Variants in CASZ1 observed in about 807,000 individuals in gnomAD.
The protein encoded by CASZ1 is castor zinc finger 1, also known as zinc finger protein castor homolog 1.
CASZ1 carries 28 observed loss-of-function variants against 135.2 expected under a neutral mutation model. The observed-to-expected ratio is 0.21, with a 90% CI of 0.15 to 0.28. The LOEUF is 0.28. Ranked by LOEUF, CASZ1 falls within the 10% of genes least tolerant of loss-of-function variation. CASZ1 has a pLI of 1.00. For synonymous variants in CASZ1, 1,068 were observed against 1,073.4 expected, an observed-to-expected ratio of 0.99 and a Z score of 0.10; for missense variants, 2,161 against 2,453.3, an observed-to-expected ratio of 0.88 and a Z score of 2.52.
In CASZ1 at chr1:10,678,808, T is replaced by TC. The variant is rs573288178; in HGVS notation, c.17-13238dup. ...TATCGCTATCCAATCCAATAAAAAA[T>TC]CCCCCCCTTTTGCTTTAATTAATTT... On this transcript the variant is annotated intron_variant, in intron 4 of 20. Coordinates refer to ENST00000377022, the MANE Select transcript of CASZ1 (RefSeq NM_001079843.3). Among the ~76,000 whole-genome samples, 6 of 149,602 alleles carry TC rather than the reference T, an allele frequency of 4.0e-5. No homozygotes were observed. In the South Asian group the frequency reaches 6.4e-4, roughly 16 times the overall value.
At chr1:10,688,639 G>A (rs745438854) in intron 4 of CASZ1, among the ~76,000 whole-genome samples, 5 of 152,100 alleles carry the variant, frequency 3.3e-5, no homozygotes, top group African/African-American at 4.8e-5. Context: ...CCTCATTTCC[G>A]TCCCTCTTGC....
At chr1:10,675,496 G>A (rs964769817) in intron 4 of CASZ1, among the ~76,000 whole-genome samples, 6 of 152,118 alleles carry the variant, frequency 3.9e-5, no homozygotes, top group African/African-American at 1.2e-4. Context: ...AGAGGGGTGA[G>A]GCCAGTGCCC....
rs188740859 is a variant in CASZ1, at chr1:10,722,386, A to C, written c.-76-16842T>G. Among the ~76,000 whole-genome samples the C allele has an allele frequency of 1.8e-3, 278 of 152,350 alleles. 4 individuals carry two copies. In the South Asian group the frequency reaches 0.03, roughly 17 times the overall value. ...AAACTCAAGGCCAAGGGGCAGAAAAAGATTCCCTAAAGCAGCCTTCCGTCC... is the reference window on the plus strand; with the variant it reads ...AAACTCAAGGCCAAGGGGCAGAAAACGATTCCCTAAAGCAGCCTTCCGTCC... On this transcript the variant is annotated intron_variant, in intron 2 of 20. Coordinates refer to ENST00000377022, the MANE Select transcript of CASZ1 (RefSeq NM_001079843.3).
At chr1:10,746,025 C>T (rs1000372724) in intron 2 of CASZ1, among the ~76,000 whole-genome samples, 2 of 152,206 alleles carry the variant, frequency 1.3e-5, no homozygotes, top group African/African-American at 2.4e-5. Flanking sequence ...AAGCCTGTGG[C>T]GTGCCCGGCC....
At chr1:10,669,508 G>A (rs1048378682) in intron 4 of CASZ1, among the ~76,000 whole-genome samples, 18 of 152,352 alleles carry the variant, frequency 1.2e-4, no homozygotes, top group East Asian at 5.8e-4. Flanking sequence ...AGAAGGCCCC[G>A]TTATGGCATG....
Position 10,702,962 on chromosome 1 carries a change from CAGAG to C in CASZ1, c.-24+2526_-24+2529del, listed in dbSNP as rs142859359. Among the ~76,000 whole-genome samples the C allele has an allele frequency of 2.3e-3, 335 of 142,682 alleles. 1 individual carries two copies. Among genetic ancestry groups the C allele is most frequent in the African/African-American group, 6.9e-3 (264 of 38,440 alleles). 93.6% of individuals were successfully genotyped at this position (142,682 alleles called of 152,430 possible). On this transcript the variant is annotated intron_variant, in intron 3 of 20. Transcript: ENST00000377022. ...GATGAAAAGGAGAGAGAGGGAGAGG[CAGAG>C]AGAGAGAGAGAGAGAGAGAGCGCCA...
chr1:10,664,674 T>C (rs1196740876), intron 5 of CASZ1, among the ~76,000 whole-genome samples: 1 of 151,796 alleles, frequency 6.6e-6, no homozygotes, highest in Admixed American at 6.6e-5. Context: ...GCTCATGCCG[T>C]TGACCGCTGC....
chr1:10,675,387 G>A (rs923487885), intron 4 of CASZ1, among the ~76,000 whole-genome samples: 1 of 152,152 alleles, frequency 6.6e-6, no homozygotes, highest in African/African-American at 2.4e-5. Flanking sequence ...CAAGGCTGGC[G>A]GGAAGGAATG....
rs751202249 is a variant in CASZ1 at position 10,647,672 on chromosome 1, C to G, written c.3497+129G>C. On this transcript the variant is annotated intron_variant, in intron 16 of 20. Transcript: ENST00000377022. This position sits in a 1 kb window ranked among gnomAD's most constrained non-coding sequence, Gnocchi z 4.9. The stretch of plus-strand genomic sequence containing the variant: ...GGCTAGAAGGACATCACCCGATGGC[C>G]ATGCCCCAGAGAGGCTGGGGACAGC... 9.3e-6 allele frequency: 14 copies of G among 1,506,852 alleles called. No individual in the cohort carries two copies. The highest frequency in any genetic ancestry group is 1.2e-5 in the Non-Finnish European group (14 of 1,133,120). 93.3% of individuals were successfully genotyped at this position (1,506,852 alleles called of 1,614,324 possible).
rs1642499207 is a variant in CASZ1, at chr1:10,649,755, G to A, written c.2881-318C>T. 1.1e-5 allele frequency: 3 copies of A among 271,310 alleles called. No homozygotes were observed. In the South Asian group the frequency reaches 3.8e-4, roughly 34 times the overall value. The allele number at this position is 271,310 out of a possible 1,614,324, so 16.8% of individuals were successfully genotyped here. A position where few individuals can be genotyped will look rare whatever the true frequency, so the allele number is the denominator to read the frequency against. On this transcript the variant is annotated intron_variant, in intron 13 of 20. Transcript: ENST00000377022. ...CAGCCCATCTTTCCCCAGACTTCGCGGCTCCCTGGTTATTTTCCTGCCAGA... is the reference window on the plus strand; with the variant it reads ...CAGCCCATCTTTCCCCAGACTTCGCAGCTCCCTGGTTATTTTCCTGCCAGA...
rs1349503041 is a variant in CASZ1 at position 10,756,774 on chromosome 1, T to C, written c.-77+3927A>G. 6.6e-6 allele frequency among the ~76,000 whole-genome samples: 1 copy of C among 152,206 alleles called. No individual in the cohort carries two copies. Among genetic ancestry groups the C allele is most frequent in the Non-Finnish European group, 1.5e-5 (1 of 68,036 alleles). ...GAGCAGATGAGCAGCGGCTGGAGGC[T>C]GAGCTGACCCCATGGAAATATGGGG... On this transcript the variant is annotated intron_variant, in intron 2 of 20. Coordinates refer to ENST00000377022, the MANE Select transcript of CASZ1 (RefSeq NM_001079843.3). This position sits in a 1 kb window ranked among gnomAD's most constrained non-coding sequence, Gnocchi z 5.9.
chr1:10,770,516 C>T (rs763572174), intron 1 of CASZ1, among the ~76,000 whole-genome samples: 13 of 152,090 alleles, frequency 8.5e-5, no homozygotes, highest in African/African-American at 1.4e-4. Flanking sequence ...GCAGAGTGTA[C>T]GGAGGGGTTG....
At chr1:10,693,466 G>A (rs2100408517) in intron 4 of CASZ1, among the ~76,000 whole-genome samples, 1 of 99,016 alleles carries the variant, frequency 1.0e-5, no homozygotes, top group South Asian at 3.7e-4. Flanking sequence ...ACACACCCCA[G>A]AGCCAGACAC....
At chr1:10,673,520 G>A (rs1490271717) in intron 4 of CASZ1, among the ~76,000 whole-genome samples, 6 of 152,056 alleles carry the variant, frequency 3.9e-5, no homozygotes, top group African/African-American at 1.4e-4. Context: ...TGCTGGGGAG[G>A]GGGGCTGAGG....
intron 2 of CASZ1, among the ~76,000 whole-genome samples, chr1:10,742,821 T>C (rs1639949615): frequency 6.6e-6 from 1 of 151,918 alleles, no homozygotes; most frequent in East Asian, 1.9e-4. Flanking sequence ...CTGTCTCTAC[T>C]AAAAATACAA....
intron 4 of CASZ1, among the ~76,000 whole-genome samples, chr1:10,686,566 C>T (rs1242264359): frequency 1.3e-5 from 2 of 152,214 alleles, no homozygotes; most frequent in Admixed American, 1.3e-4. Flanking sequence ...AGGGTGTCAC[C>T]TGGGCTTCCC....
At chr1:10,710,428 C>T (rs75276604) in intron 2 of CASZ1, among the ~76,000 whole-genome samples, 2,158 of 152,308 alleles carry the variant, frequency 0.014, 54 homozygotes, top group African/African-American at 0.048. Context: ...AGTGGCCCTG[C>T]CCGATCTTCT....
At chr1:10,658,008 T>C (rs1454983015) in intron 7 of CASZ1, 2 of 152,764 alleles carry the variant, frequency 1.3e-5, no homozygotes, top group African/African-American at 4.8e-5. Flanking sequence ...TTTTTTTTTT[T>C]TTTTTAAAGA....
intron 15 of CASZ1, 195 bp from the exon 16 acceptor site, chr1:10,648,334 A>G: frequency 3.9e-6 from 2 of 517,900 alleles, no homozygotes; most frequent in Non-Finnish European, 6.7e-6. Context: ...CTGGTTCCGA[A>G]CTTGGTCTCC....
Sources: allele counts gnomAD v4.1 joint callset (sites outside exome capture counted in the v4.1 genomes callset), GRCh38; gene constraint gnomAD v4.1.1; non-coding constraint Gnocchi (gnomAD v3.1); transcripts MANE v1.5; gene names NCBI Gene and HGNC (gene_info 2026-07-23, HGNC 2026-07-21).